The following NSMCE2 variants were observed in gnomAD, a reference collection of about 807,000 sequenced individuals.
NSMCE2 encodes NSE2 SUMO ligase component of SMC5/6 complex, also known as E3 SUMO-protein ligase NSE2.
Under a neutral mutation model 23.8 loss-of-function variants are expected in NSMCE2, and 24 were observed. The observed-to-expected ratio is 1.01, with a 90% confidence interval of 0.73 to 1.42. NSMCE2 has a LOEUF of 1.42. Among genes scored for constraint, NSMCE2 ranks in the 40% most tolerant of loss-of-function variants. The pLI, the probability that NSMCE2 is intolerant of heterozygous loss-of-function variation, is 0.00. For missense variants in NSMCE2, 284 were observed against 296.5 expected, an observed-to-expected ratio of 0.96 and a Z score of 0.31; for synonymous variants, 92 against 94.1, an observed-to-expected ratio of 0.98 and a Z score of 0.13.
rs972105411 is a variant in NSMCE2, at chr8:125,091,897, G to A, written c.-172G>A. The A allele has an allele frequency of 2.0e-5, 3 of 152,464 alleles. No individual in the cohort carries two copies. The highest frequency in any genetic ancestry group is 7.2e-5 in the African/African-American group (3 of 41,482). The allele number at this position is 152,464 out of a possible 1,614,324, so 9.4% of individuals were successfully genotyped here. On this transcript the variant is annotated 5_prime_UTR_variant, in exon 1 of 8. Transcript: ENST00000287437. ...CGGCAGGCGAAGGGGGCTGAGGAAA[G>A]GAGGTGGGTCTAGGCAGGGGAAATT...
intron 1 of NSMCE2, among the ~76,000 whole-genome samples, chr8:125,100,007 C>G (rs950585033): frequency 6.6e-6 from 1 of 151,652 alleles, no homozygotes; most frequent in African/African-American, 2.4e-5. Flanking sequence ...GGGATAGGAT[C>G]TAGTGGATAA....
Position 125,272,236 on chromosome 8 carries a change from G to A in NSMCE2, c.419-84983G>A, listed in dbSNP as rs554071993. ...TCATTGTGTTAGCCAGGATGGTCTC[G>A]ATCTCCTGACCTCATGATCCGCCCG... On this transcript the variant is annotated intron_variant, in intron 5 of 7. Coordinates refer to ENST00000287437, the MANE Select transcript of NSMCE2 (RefSeq NM_173685.4). Among the ~76,000 whole-genome samples the A allele has an allele frequency of 1.3e-4, 20 of 151,616 alleles. No homozygotes were observed. The South Asian group carries it at 4.0e-3, about 30-fold the overall frequency.
intron 5 of NSMCE2, among the ~76,000 whole-genome samples, chr8:125,195,508 G>T (rs542705364): frequency 1.3e-5 from 2 of 152,218 alleles, no homozygotes; most frequent in South Asian, 4.1e-4. Flanking sequence ...GAATTAAATT[G>T]TACTTGGTGT....
chr8:125,151,189 A>T lies in NSMCE2; in HGVS notation c.176A>T (p.Tyr59Phe). The change falls in exon 4 of 8, where the codon TAT becomes TTT. Residue 59 changes from tyrosine (Y) to phenylalanine (F), a missense_variant. By Grantham distance (22) the Tyr-to-Phe change is conservative. Transcript: ENST00000287437. ...CTTTCAGCTGAAGTGAGTAGTGAAT[A>T]TAGTATGGACAAGGCAATGGTTGAA... ...VESQTEVSSE[Y>F]SMDKAMVEFA... is the part of the protein sequence containing the mutation. 6.2e-7 allele frequency: 1 copy of T among 1,600,158 alleles called. No individual in the cohort carries two copies. The highest frequency in any genetic ancestry group is 1.7e-4 in the Middle Eastern group (1 of 6,022).
At chr8:125,180,590 T>A (rs1822756273) in intron 4 of NSMCE2, among the ~76,000 whole-genome samples, 1 of 152,268 alleles carries the variant, frequency 6.6e-6, no homozygotes, top group South Asian at 2.1e-4. Context: ...TAGAAGTATA[T>A]GCTACTGACT....
chr8:125,124,822 T>A (rs560677250), intron 3 of NSMCE2, among the ~76,000 whole-genome samples: 1 of 151,912 alleles, frequency 6.6e-6, no homozygotes, highest in East Asian at 1.9e-4. Flanking sequence ...TGAGACAGAG[T>A]CTTACTCTTT....
chr8:125,248,180 G>A (rs1826066482), intron 5 of NSMCE2, among the ~76,000 whole-genome samples: 1 of 152,082 alleles, frequency 6.6e-6, no homozygotes, highest in Admixed American at 6.5e-5. Flanking sequence ...AAACAGTCCG[G>A]GGTGTTTATA....
intron 5 of NSMCE2, among the ~76,000 whole-genome samples, chr8:125,261,450 TATTCTCA>T (rs1826688234): frequency 1.3e-5 from 2 of 152,236 alleles, no homozygotes; most frequent in Non-Finnish European, 2.9e-5. Flanking sequence ...CTGTGGTTAC[TATTCTCA>T]GGTAATTGGG....
At chr8:125,303,343 C>G (rs956733746) in intron 5 of NSMCE2, among the ~76,000 whole-genome samples, 2 of 152,138 alleles carry the variant, frequency 1.3e-5, no homozygotes, top group African/African-American at 4.8e-5. Context: ...GAAGAACAGA[C>G]AGAATTCTTT....
At chr8:125,155,271 T>G (rs1429539198) in intron 4 of NSMCE2, among the ~76,000 whole-genome samples, 1 of 152,216 alleles carries the variant, frequency 6.6e-6, no homozygotes, top group East Asian at 1.9e-4. Flanking sequence ...GGAAATGATA[T>G]TTAAGATTCA....
At chr8:125,344,228 C>T (rs1227576058) in intron 5 of NSMCE2, among the ~76,000 whole-genome samples, 1 of 152,136 alleles carries the variant, frequency 6.6e-6, no homozygotes, top group Non-Finnish European at 1.5e-5. Context: ...AATCCATCCA[C>T]CCTCATTGCC....
intron 4 of NSMCE2, among the ~76,000 whole-genome samples, chr8:125,160,761 AT>A (rs544100013): frequency 2.2e-3 from 328 of 152,334 alleles, no homozygotes; most frequent in Non-Finnish European, 3.7e-3. Flanking sequence ...TTTCTTAGAC[AT>A]TTTATTTAAA....
At chr8:125,304,383 G>A (rs533411900) in intron 5 of NSMCE2, among the ~76,000 whole-genome samples, 3 of 152,240 alleles carry the variant, frequency 2.0e-5, no homozygotes, top group South Asian at 2.1e-4. Flanking sequence ...GAGGAGTGAC[G>A]TGATCCATGT....
intron 4 of NSMCE2, among the ~76,000 whole-genome samples, chr8:125,175,023 T>C (rs1260460273): frequency 6.6e-6 from 1 of 152,198 alleles, no homozygotes; most frequent in African/African-American, 2.4e-5. Flanking sequence ...TACTAAACTC[T>C]AGAAAATATA....
At chr8:125,138,031 T>G (rs1248863854) in intron 3 of NSMCE2, among the ~76,000 whole-genome samples, 1 of 152,208 alleles carries the variant, frequency 6.6e-6, no homozygotes, top group Non-Finnish European at 1.5e-5. Flanking sequence ...GGAGACTAGC[T>G]GATGAATTAG....
chr8:125,357,349 A>G (rs1355815644), intron 6 of NSMCE2, 30 bp downstream of exon 6: 1 of 1,387,610 alleles, frequency 7.2e-7, no homozygotes, highest in East Asian at 2.3e-5. Flanking sequence ...CCCCTGAAAG[A>G]AACACGATTC....
At chr8:125,309,359 T>C (rs948194547) in intron 5 of NSMCE2, among the ~76,000 whole-genome samples, 1 of 152,196 alleles carries the variant, frequency 6.6e-6, no homozygotes, top group Non-Finnish European at 1.5e-5. Context: ...TTAGGAGCTT[T>C]GGATAAAAAG....
At chr8:125,269,504 A>G (rs1388153062) in intron 5 of NSMCE2, among the ~76,000 whole-genome samples, 1 of 152,172 alleles carries the variant, frequency 6.6e-6, no homozygotes, top group Non-Finnish European at 1.5e-5. Context: ...ACTCCTCTGT[A>G]TTCTGCTCAC....
chr8:125,133,877 G>A (rs1279155207), intron 3 of NSMCE2, among the ~76,000 whole-genome samples: 1 of 151,954 alleles, frequency 6.6e-6, no homozygotes, highest in Non-Finnish European at 1.5e-5. Context: ...TCATACATTA[G>A]AACCGTGGAT....
Sources: gnomAD v4.1 joint callset for allele counts (sites outside exome capture counted in the v4.1 genomes callset) on GRCh38, gnomAD v4.1.1 for gene constraint, MANE v1.5 for transcripts, NCBI Gene and HGNC (gene_info 2026-07-23, HGNC 2026-07-21) for gene names.